Variants in TAMM41 observed in about 807,000 individuals in gnomAD.
TAMM41 encodes the protein phosphatidate cytidylyltransferase, mitochondrial.
In TAMM41, 36 loss-of-function variants were observed where a neutral mutation model predicts 44.1. The ratio of observed to expected loss-of-function variants is 0.82; its 90% CI spans 0.63 to 1.08. The LOEUF (loss-of-function observed/expected upper bound fraction) is 1.08. Among genes scored for constraint, TAMM41 ranks in the 50% least tolerant of loss-of-function variants. TAMM41 has a pLI of 0.00. For missense variants in TAMM41, 417 were observed against 404.3 expected, an observed-to-expected ratio of 1.03 and a Z score of -0.27; for synonymous variants, 164 against 153.1, an observed-to-expected ratio of 1.07 and a Z score of -0.53.
At chr3:11,816,191 A>C (rs1007102120) in intron 5 of TAMM41, among the ~76,000 whole-genome samples, 11 of 152,258 alleles carry the variant, frequency 7.2e-5, no homozygotes, top group Non-Finnish European at 1.5e-4. Flanking sequence ...TAAATGAAGA[A>C]AAATACAGTG....
chr3:11,745,171 A>G, the TAMM41 span, among the ~76,000 whole-genome samples: 1 of 152,044 alleles, frequency 6.6e-6, no homozygotes, highest in African/African-American at 2.4e-5. Flanking sequence ...CCTACAAATA[A>G]TTTTTTAAAA....
chr3:11,809,865 G>A (rs759085971), intron 5 of TAMM41, 183 bp from the exon 6 acceptor site: 7 of 532,774 alleles, frequency 1.3e-5, no homozygotes, highest in Non-Finnish European at 1.9e-5. Context: ...AGGAGTCTAA[G>A]TCCCTTCAAA....
At chr3:11,791,125 G>A (rs1180428441) in intron 7 of TAMM41, among the ~76,000 whole-genome samples, 2 of 152,218 alleles carry the variant, frequency 1.3e-5, no homozygotes, top group Non-Finnish European at 2.9e-5. Context: ...TCAACACACT[G>A]TGCAGTACGT....
At chr3:11,806,263 A>G (rs1217535761) in intron 7 of TAMM41, among the ~76,000 whole-genome samples, 1 of 152,212 alleles carries the variant, frequency 6.6e-6, no homozygotes, top group Non-Finnish European at 1.5e-5. Context: ...GGATGCTTGC[A>G]TGAAGAAAGC....
At chr3:11,790,678 G>T in intron 7 of TAMM41, 97 bp from the exon 8 acceptor site, 1 of 1,010,772 alleles carries the variant, frequency 9.9e-7, no homozygotes, top group Non-Finnish European at 1.5e-6. Flanking sequence ...CTTTGGAGGA[G>T]GGCAGTGAGG....
intron 4 of TAMM41, among the ~76,000 whole-genome samples, chr3:11,819,497 G>A (rs1442608529): frequency 6.6e-6 from 1 of 152,210 alleles, no homozygotes; most frequent in Non-Finnish European, 1.5e-5. Context: ...AACAACAGGG[G>A]AAAGAATGCA....
chr3:11,782,202 T>C, the TAMM41 span, among the ~76,000 whole-genome samples: 1 of 152,196 alleles, frequency 6.6e-6, no homozygotes, highest in African/African-American at 2.4e-5. Context: ...AATCCCACTA[T>C]GGGGCTAAAT....
chr3:11,740,520 T>C, the TAMM41 span, among the ~76,000 whole-genome samples: 1 of 152,218 alleles, frequency 6.6e-6, no homozygotes, highest in Non-Finnish European at 1.5e-5. Flanking sequence ...TATGCATATT[T>C]GTGCATGTGT....
the TAMM41 span, among the ~76,000 whole-genome samples, chr3:11,725,295 T>TCTCCTCCTCCTTTTTTTCTTCTC: frequency 2.0e-5 from 2 of 97,924 alleles, no homozygotes; most frequent in African/African-American, 3.3e-5. Flanking sequence ...TTCTCCTTCT[T>TCTCCTCCTCCTTTTTTTCTTCTC]CTCCTCCTCC....
Position 11,807,672 on chromosome 3 carries a change from T to C in TAMM41, c.937+161A>G, listed in dbSNP as rs1204438975. On this transcript the variant is annotated intron_variant, in intron 7 of 7. Transcript: ENST00000455809. ...TTGTTCGACCACCAGGTTCTGCTGC[T>C]GTTATGCCTGTTTGTACCTTACTGC... 5 of 1,536,222 alleles carry C rather than the reference T, an allele frequency of 3.3e-6. No homozygotes were observed. The African/African-American group carries it at 5.5e-5, about 17-fold the overall frequency.
the TAMM41 span, among the ~76,000 whole-genome samples, chr3:11,773,513 G>T: frequency 6.6e-6 from 1 of 152,030 alleles, no homozygotes; most frequent in Non-Finnish European, 1.5e-5. Flanking sequence ...GAGCCACCGT[G>T]CCCAGCCCCA....
At chr3:11,814,265 G>C (rs1400760938) in intron 5 of TAMM41, among the ~76,000 whole-genome samples, 3 of 152,098 alleles carry the variant, frequency 2.0e-5, no homozygotes, top group East Asian at 3.9e-4. Flanking sequence ...TAACAGACTA[G>C]AGTAAAAACA....
chr3:11,826,138 T>A (rs1322657035), intron 4 of TAMM41, among the ~76,000 whole-genome samples: 1 of 152,092 alleles, frequency 6.6e-6, no homozygotes, highest in Non-Finnish European at 1.5e-5. Context: ...ATTGAGCAAA[T>A]AACAGTTTCT....
At chr3:11,805,036 T>C (rs2077865607) in intron 7 of TAMM41, among the ~76,000 whole-genome samples, 1 of 124,840 alleles carries the variant, frequency 8.0e-6, no homozygotes, top group African/African-American at 3.0e-5. Flanking sequence ...AGACGAAGTC[T>C]CACTCTCGCC....
chr3:11,842,794 C>A (rs2079510797), intron 2 of TAMM41, among the ~76,000 whole-genome samples: 1 of 152,164 alleles, frequency 6.6e-6, no homozygotes, highest in African/African-American at 2.4e-5. Flanking sequence ...TGGCTCGATG[C>A]CGGCCAAAGC....
At chr3:11,729,017 A>T in the TAMM41 span, among the ~76,000 whole-genome samples, 11 of 151,858 alleles carry the variant, frequency 7.2e-5, 1 homozygote, top group African/African-American at 2.7e-4. Flanking sequence ...TCAAAAAAAA[A>T]AAAAAATACA....
chr3:11,770,278 A>G, the TAMM41 span, among the ~76,000 whole-genome samples: 1 of 152,154 alleles, frequency 6.6e-6, no homozygotes, highest in African/African-American at 2.4e-5. Flanking sequence ...GAGAAAGTTC[A>G]GGAGTACATA....
At chr3:11,764,356 C>T in the TAMM41 span, among the ~76,000 whole-genome samples, 244 of 152,000 alleles carry the variant, frequency 1.6e-3, 2 homozygotes, top group African/African-American at 4.0e-3. Context: ...GACTGCTTTG[C>T]GTTCCCAGTG....
intron 6 of TAMM41, chr3:11,808,145 T>A: frequency 1.0e-6 from 1 of 955,858 alleles, no homozygotes; most frequent in Non-Finnish European, 1.4e-6. Context: ...TCTGTGCCTC[T>A]TCCCCTTAAA....
Sources: gnomAD v4.1 joint callset for allele counts (sites outside exome capture counted in the v4.1 genomes callset) on GRCh38, gnomAD v4.1.1 for gene constraint, MANE v1.5 for transcripts, NCBI Gene and HGNC (gene_info 2026-07-23, HGNC 2026-07-21) for gene names.